RAD51D: variants seen among roughly 807,000 people sequenced by gnomAD.
RAD51D encodes DNA repair protein RAD51 homolog 4.
Under a neutral mutation model 44.1 loss-of-function variants are expected in RAD51D, and 38 were observed. The ratio of observed to expected loss-of-function variants is 0.86; its 90% CI spans 0.67 to 1.13. The LOEUF is 1.13. Ranked by LOEUF, RAD51D falls within the 50% of genes most tolerant of loss-of-function variation. The pLI is 0.00. For missense variants in RAD51D, 390 were observed against 414.0 expected, an observed-to-expected ratio of 0.94 and a Z score of 0.50; for synonymous variants, 141 against 166.6, an observed-to-expected ratio of 0.85 and a Z score of 1.18.
At position 35,100,778 on chromosome 17, in the gene RAD51D, C is replaced by T; in HGVS notation, c.*175G>A. ...CTCGCAATGCAGCATCCTCTTTCGC[C>T]TGTGGTTTATATGCTTACAGAGAGT... On this transcript the variant is annotated 3_prime_UTR_variant, in exon 10 of 10. Coordinates refer to ENST00000345365, the MANE Select transcript of RAD51D (RefSeq NM_002878.4). 1 of 704,292 alleles carries T rather than the reference C, an allele frequency of 1.4e-6. No homozygotes were observed. Among genetic ancestry groups the T allele is most frequent in the East Asian group, 2.7e-5 (1 of 37,166 alleles). 43.6% of individuals were successfully genotyped at this position (704,292 alleles called of 1,614,324 possible). A position where few individuals can be genotyped will look rare whatever the true frequency, so the allele number is the denominator to read the frequency against.
chr17:35,101,560 G>A (rs949616810), intron 8 of RAD51D, among the ~76,000 whole-genome samples, 195 bp from the exon 9 acceptor site: 5 of 152,092 alleles, frequency 3.3e-5, no homozygotes, highest in East Asian at 3.9e-4. Context: ...ACTAAATCTC[G>A]ATGCCTCAGG....
rs758241019 is a variant in RAD51D at position 35,103,243 on chromosome 17, T to C, written c.738+11A>G. The C allele has an allele frequency of 4.4e-6, 7 of 1,605,004 alleles. No individual in the cohort carries two copies. In the South Asian group the frequency reaches 6.7e-5, roughly 15 times the overall value. On this transcript the variant is annotated intron_variant, in intron 8 of 9. Transcript: ENST00000345365. The surrounding 1 kb of genome is among the most constrained non-coding windows in gnomAD (Gnocchi z 4.1). ...AGAAATCAAGTTCATTGGCCAAGCC[T>C]GCTTCCTCACCACCACTGCCATGCC... is the stretch of plus-strand genomic sequence containing the variant.
chr17:35,097,479 ATGTATATATATG>A lies in RAD51D; in HGVS notation c.*3462_*3473del, dbSNP rs1216556854. ...TATATATATATATGTGTGTATATAT[ATGTATATATATG>A]TGTGTATATGTGTGTGTGTGTGTGT... On this transcript the variant is annotated 3_prime_UTR_variant, in exon 10 of 10. Coordinates refer to ENST00000345365, the MANE Select transcript of RAD51D (RefSeq NM_002878.4). The A allele has an allele frequency of 1.5e-5, 2 of 135,894 alleles. No individual in the cohort carries two copies. Among genetic ancestry groups the A allele is most frequent in the East Asian group, 2.3e-4 (1 of 4,432 alleles). 8.4% of individuals were successfully genotyped at this position (135,894 alleles called of 1,614,324 possible). A position where few individuals can be genotyped will look rare whatever the true frequency, so the allele number is the denominator to read the frequency against.
rs2142419572 is a variant in RAD51D at position 35,103,397 on chromosome 17, C to G, written c.667+57G>C. The G allele has an allele frequency of 6.2e-7, 1 of 1,609,144 alleles. No homozygotes were observed. The highest frequency in any genetic ancestry group is 8.5e-7 in the Non-Finnish European group (1 of 1,175,448). On this transcript the variant is annotated intron_variant, in intron 7 of 9. Transcript: ENST00000345365. This position sits in a 1 kb window ranked among gnomAD's most constrained non-coding sequence, Gnocchi z 4.1. ...ATGGGGCTGGCCAGAGACCAGACTCCAGAGCTGGGAGGCGAGGTCACATTC... is the reference window on the plus strand; with the variant it reads ...ATGGGGCTGGCCAGAGACCAGACTCGAGAGCTGGGAGGCGAGGTCACATTC...
At chr17:35,116,312 C>A (rs921251447) in intron 3 of RAD51D, among the ~76,000 whole-genome samples, 1 of 152,154 alleles carries the variant, frequency 6.6e-6, no homozygotes, top group Non-Finnish European at 1.5e-5. Flanking sequence ...CAATGGCCTC[C>A]CGCCTCCAGG....
At position 35,092,613 on chromosome 17, in the gene RAD51D, TC is replaced by T. The variant is rs1296411084; in HGVS notation, c.*8339del. ...GGACTAGCAGGGTTTTGAACTTAGA[TC>T]TTTTTCCTGATTCCAAAATCCCAAA... On this transcript the variant is annotated 3_prime_UTR_variant, in exon 10 of 10. Transcript: ENST00000345365. The T allele has an allele frequency of 2.0e-5, 3 of 152,234 alleles. No individual in the cohort carries two copies. The East Asian group carries it at 5.8e-4, about 29-fold the overall frequency. The allele number at this position is 152,234 out of a possible 1,614,324, so 9.4% of individuals were successfully genotyped here.
chr17:35,119,586 GGCAC>G lies in RAD51D; in HGVS notation c.24_27del (p.Cys9LeufsTer7), dbSNP rs2142480769. On this transcript the variant is annotated frameshift_variant, in exon 1 of 10. Transcript: ENST00000345365. LOFTEE classifies it high-confidence loss of function. Reference sequence around the variant, plus strand: ...TGGATCATCTCCTCGGTAAGGCCAGGGCACAGTCCGACCCTGAGCACGCCCATGT... The same window carrying G: ...TGGATCATCTCCTCGGTAAGGCCAGGAGTCCGACCCTGAGCACGCCCATGT... 3 of 1,612,424 alleles carry G rather than the reference GGCAC, an allele frequency of 1.9e-6. No homozygotes were observed. In the South Asian group the frequency reaches 3.3e-5, roughly 18 times the overall value.
intron 3 of RAD51D, chr17:35,117,130 C>T: frequency 7.4e-7 from 1 of 1,355,208 alleles, no homozygotes; most frequent in Non-Finnish European, 1.0e-6. Context: ...GCTTACAGCT[C>T]TCTTGTATTC....
rs780496846 is a variant in RAD51D, at chr17:35,103,417, A to C, written c.667+37T>G. The C allele has an allele frequency of 2.2e-5, 36 of 1,611,254 alleles. No homozygotes were observed. The highest frequency in any genetic ancestry group is 2.7e-5 in the African/African-American group (2 of 74,854). On this transcript the variant is annotated intron_variant, in intron 7 of 9. Coordinates refer to ENST00000345365, the MANE Select transcript of RAD51D (RefSeq NM_002878.4). This position sits in a 1 kb window ranked among gnomAD's most constrained non-coding sequence, Gnocchi z 4.1. Reference sequence around the variant, plus strand: ...GACTCCAGAGCTGGGAGGCGAGGTCACATTCCACTGGCCCCAGGCTCTGCC... The same window carrying C: ...GACTCCAGAGCTGGGAGGCGAGGTCCCATTCCACTGGCCCCAGGCTCTGCC...
chr17:35,115,973 G>GAAAGAAAGAAAGAAAGAA (rs2091738157), intron 3 of RAD51D, among the ~76,000 whole-genome samples: 2 of 144,524 alleles, frequency 1.4e-5, no homozygotes, highest in African/African-American at 5.1e-5. Flanking sequence ...AAGAAAGAAA[G>GAAAGAAAGAAAGAAAGAA]AAAGAAAGAA....
In RAD51D at chr17:35,107,416, T is replaced by G. The variant is rs746416079; in HGVS notation, c.295A>C (p.Thr99Pro). 1 of 1,563,352 alleles carries G rather than the reference T, an allele frequency of 6.4e-7. No individual in the cohort carries two copies. Among genetic ancestry groups the G allele is most frequent in the Admixed American group, 1.7e-5 (1 of 59,920 alleles). ...CCTACAATTTCAGTCACTTCTCCAG[T>G]ATAGAGACCAGCATCAAGCAGTTTA... Reference protein sequence around the residue: ...LDKLLDAGLYTGEVTEIVGGP... With the variant: ...LDKLLDAGLYPGEVTEIVGGP... Residue 99 changes from threonine (T) to proline (P), a missense_variant, in exon 4 of 10, where the codon ACT (threonine) becomes CCT (proline). Coordinates refer to ENST00000345365, the MANE Select transcript of RAD51D (RefSeq NM_002878.4).
intron 4 of RAD51D, 109 bp from the exon 5 acceptor site, chr17:35,107,231 C>T (rs962567085): frequency 6.7e-6 from 10 of 1,485,804 alleles, no homozygotes; most frequent in South Asian, 4.5e-5. Context: ...TGAGTCCCGA[C>T]CCCATTCCTT....
chr17:35,099,799 A>C lies in RAD51D; in HGVS notation c.*1154T>G, dbSNP rs1461003099. On this transcript the variant is annotated 3_prime_UTR_variant, in exon 10 of 10. Coordinates refer to ENST00000345365, the MANE Select transcript of RAD51D (RefSeq NM_002878.4). ...AGTAACCAATCCTGATCATTTCTGTACTTTTCCTTTTATTTTCCATTCCCT... is the reference window on the plus strand; with the variant it reads ...AGTAACCAATCCTGATCATTTCTGTCCTTTTCCTTTTATTTTCCATTCCCT... 1 of 476,024 alleles carries C rather than the reference A, an allele frequency of 2.1e-6. No homozygotes were observed. The highest frequency in any genetic ancestry group is 2.0e-5 in the African/African-American group (1 of 50,886). 29.5% of individuals were successfully genotyped at this position (476,024 alleles called of 1,614,324 possible).
chr17:35,101,077 A>C, intron 9 of RAD51D, 41 bp from the exon 10 acceptor site: 1 of 1,605,086 alleles, frequency 6.2e-7, no homozygotes. Context: ...TAAGCAACCC[A>C]AGTGGGTAGC....
At chr17:35,113,634 T>A (rs1263911975) in intron 3 of RAD51D, 1 of 408,574 alleles carries the variant, frequency 2.4e-6, no homozygotes, top group Non-Finnish European at 4.9e-6. Context: ...GTCAAAACAC[T>A]CTGGTTACCA....
intron 3 of RAD51D, among the ~76,000 whole-genome samples, chr17:35,107,766 A>C (rs1281633687): frequency 4.8e-5 from 2 of 41,312 alleles, no homozygotes; most frequent in Non-Finnish European, 8.6e-5. Context: ...TTTTTTTTTG[A>C]GACGGAGTCT....
chr17:35,117,248 T>G (rs2091761455), intron 3 of RAD51D, among the ~76,000 whole-genome samples: 1 of 152,206 alleles, frequency 6.6e-6, no homozygotes, highest in Admixed American at 6.5e-5. Flanking sequence ...CCTTAGCCAG[T>G]GCTTGATGGA....
rs749835057 is a variant in RAD51D, at chr17:35,106,367, G to A, written c.576+19C>T. 3.0e-5 allele frequency: 48 copies of A among 1,605,766 alleles called. No individual in the cohort carries two copies. Among genetic ancestry groups the A allele is most frequent in the Non-Finnish European group, 3.7e-5 (44 of 1,173,370 alleles). On this transcript the variant is annotated intron_variant, in intron 6 of 9. Transcript: ENST00000345365. ...TAGAAAGCTGAATTAAGCAAGGAGG[G>A]GCAGAACAGCAGGCTCACCTGCTGG...
At position 35,100,022 on chromosome 17, in the gene RAD51D, T is replaced by C. The variant is rs779418858; in HGVS notation, c.*931A>G. 40 of 531,276 alleles carry C rather than the reference T, an allele frequency of 7.5e-5. No homozygotes were observed. Among genetic ancestry groups the C allele is most frequent in the Admixed American group, 3.8e-4 (17 of 44,914 alleles). The allele number at this position is 531,276 out of a possible 1,614,324, so 32.9% of individuals were successfully genotyped here. ...AAAGGACTAGATTTGCCATGTATTA[T>C]TTACGTCAGCATCAATTTTCCCAGC... On this transcript the variant is annotated 3_prime_UTR_variant, in exon 10 of 10. Transcript: ENST00000345365.
Sources: allele counts gnomAD v4.1 joint callset (sites outside exome capture counted in the v4.1 genomes callset), GRCh38; gene constraint gnomAD v4.1.1; non-coding constraint Gnocchi (gnomAD v3.1); transcripts MANE v1.5; gene names NCBI Gene and HGNC (gene_info 2026-07-23, HGNC 2026-07-21).